TENM2: variants seen among roughly 807,000 people sequenced by gnomAD.
The protein encoded by TENM2 is teneurin transmembrane protein 2.
In TENM2, 52 loss-of-function variants were observed where a neutral mutation model predicts 245.2. That is an observed-to-expected ratio of 0.21 (90% CI 0.17 to 0.27). The LOEUF (loss-of-function observed/expected upper bound fraction) is 0.27, where lower values mean the gene tolerates loss of function less well. Ranked by LOEUF, TENM2 falls within the 10% of genes least tolerant of loss-of-function variation. TENM2 has a pLI of 1.00. For missense variants in TENM2, 3,046 were observed against 3,666.8 expected, an observed-to-expected ratio of 0.83 and a Z score of 4.37; for synonymous variants, 1,363 against 1,438.9, an observed-to-expected ratio of 0.95 and a Z score of 1.19.
chr5:167,252,184 T>A, the TENM2 span, among the ~76,000 whole-genome samples: 4 of 152,208 alleles, frequency 2.6e-5, no homozygotes, highest in Admixed American at 1.3e-4. Flanking sequence ...ATCTCTTCTC[T>A]GGGGTTAGGG....
intron 4 of TENM2, among the ~76,000 whole-genome samples, chr5:167,963,502 T>C (rs1332580270): frequency 6.6e-6 from 1 of 152,214 alleles, no homozygotes; most frequent in Admixed American, 6.5e-5. Context: ...TTCTGAAGGT[T>C]GATTATAATT....
chr5:168,260,223 C>G (rs1768058092), intron 27 of TENM2, 60 bp from the exon 30 acceptor site: 1 of 1,592,498 alleles, frequency 6.3e-7, no homozygotes, highest in Admixed American at 1.7e-5. Flanking sequence ...TCTTTAAGCT[C>G]TGCTGCTGCT....
At chr5:168,208,450 G>A (rs116409122) in intron 19 of TENM2, among the ~76,000 whole-genome samples, 1,653 of 152,278 alleles carry the variant, frequency 0.011, 42 homozygotes, top group African/African-American at 0.037. Flanking sequence ...TGTTAGTACC[G>A]GGCGGGGGGA....
intron 3 of TENM2, among the ~76,000 whole-genome samples, chr5:167,909,073 T>C (rs541801818): frequency 6.6e-6 from 1 of 151,704 alleles, no homozygotes; most frequent in African/African-American, 2.4e-5. Context: ...TCTCTCTTTT[T>C]TTTTTTTTTT....
chr5:168,070,618 C>A (rs1201849664), intron 7 of TENM2, among the ~76,000 whole-genome samples: 20 of 132,858 alleles, frequency 1.5e-4, no homozygotes, highest in Admixed American at 2.3e-4. Context: ...TCATCTCTAC[C>A]AAAAAAAAAA....
chr5:167,360,896 A>G (rs1037880840), intron 1 of TENM2, among the ~76,000 whole-genome samples: 1 of 152,156 alleles, frequency 6.6e-6, no homozygotes, highest in Non-Finnish European at 1.5e-5. Context: ...TCGCTTCTAC[A>G]ATATTCTTAA....
the TENM2 span, among the ~76,000 whole-genome samples, chr5:167,189,229 T>C: frequency 1.3e-5 from 2 of 152,182 alleles, no homozygotes; most frequent in African/African-American, 4.8e-5. Context: ...ACTGTAGTTA[T>C]AGAATCACTC....
chr5:167,364,262 C>A (rs1344149817), intron 1 of TENM2, among the ~76,000 whole-genome samples: 1 of 151,856 alleles, frequency 6.6e-6, no homozygotes, highest in African/African-American at 2.4e-5. Context: ...TAGACTGGTA[C>A]AACATACGTA....
chr5:167,949,043 G>A (rs1445333143), intron 3 of TENM2: 1 of 152,188 alleles, frequency 6.6e-6, no homozygotes, highest in East Asian at 1.9e-4. Context: ...AGGTGCTTGT[G>A]ATCATTTGTT....
chr5:167,952,659 C>T (rs1487996888), exon 4 of TENM2: 6 of 1,613,304 alleles, frequency 3.7e-6, no homozygotes, highest in Non-Finnish European at 5.1e-6. Flanking sequence ...CACGCTGTCC[C>T]ATCACCACTC....
chr5:167,117,920 A>T, the TENM2 span, among the ~76,000 whole-genome samples: 1 of 150,108 alleles, frequency 6.7e-6, no homozygotes, highest in Non-Finnish European at 1.5e-5. Context: ...TTTAGAAGTT[A>T]GGCAACCAAG....
At chr5:167,543,980 C>A (rs1772386867) in intron 2 of TENM2, among the ~76,000 whole-genome samples, 1 of 152,150 alleles carries the variant, frequency 6.6e-6, no homozygotes, top group Non-Finnish European at 1.5e-5. Flanking sequence ...CTGCAATGAA[C>A]CTATTTCCAA....
At chr5:168,170,024 G>A (rs1000081565) in intron 13 of TENM2, among the ~76,000 whole-genome samples, 1 of 152,168 alleles carries the variant, frequency 6.6e-6, no homozygotes, top group Admixed American at 6.5e-5. Context: ...TCTTTAGGAG[G>A]GAAGCAGAAT....
At chr5:167,606,713 G>C (rs866138283) in intron 2 of TENM2, among the ~76,000 whole-genome samples, 1 of 152,098 alleles carries the variant, frequency 6.6e-6, no homozygotes, top group Non-Finnish European at 1.5e-5. Context: ...TTTAATGCTT[G>C]CCAGGCCTAA....
At chr5:167,571,274 C>T (rs1187742089) in intron 2 of TENM2, among the ~76,000 whole-genome samples, 4 of 152,090 alleles carry the variant, frequency 2.6e-5, no homozygotes, top group African/African-American at 4.8e-5. Context: ...GATGAGGACA[C>T]AATGAGACAA....
At chr5:167,316,986 C>A (rs763343174) in intron 1 of TENM2, among the ~76,000 whole-genome samples, 19 of 152,146 alleles carry the variant, frequency 1.2e-4, no homozygotes, top group Non-Finnish European at 2.4e-4. Context: ...ATACCAATGT[C>A]TTCTTATGTC....
chr5:168,044,181 C>T (rs905981908), intron 5 of TENM2, among the ~76,000 whole-genome samples: 1 of 152,086 alleles, frequency 6.6e-6, no homozygotes, highest in Admixed American at 6.5e-5. Context: ...TTTGGGAGGC[C>T]GAGGTGGGTG....
chr5:167,866,315 A>G (rs1276803072), intron 2 of TENM2, among the ~76,000 whole-genome samples: 1 of 152,162 alleles, frequency 6.6e-6, no homozygotes, highest in Non-Finnish European at 1.5e-5. Flanking sequence ...CCTGGCCAAC[A>G]TAGTGAAACT....
rs868158168 is a variant in TENM2 at position 168,236,968 on chromosome 5, A to T, written c.5521-7452A>T. ...TATATATATATATATATATATATATATATATATATATATATATATATATAT... is the reference window on the plus strand; with the variant it reads ...TATATATATATATATATATATATATTTATATATATATATATATATATATAT... On this transcript the variant is annotated intron_variant, in intron 25 of 28. Transcript: ENST00000518659. Among the ~76,000 whole-genome samples, 7 of 2,544 alleles carry T rather than the reference A, an allele frequency of 2.8e-3. 1 individual carries two copies. Among genetic ancestry groups the T allele is most frequent in the East Asian group, 8.5e-3 (1 of 118 alleles). The allele number at this position is 2,544 out of a possible 152,430, so 1.7% of individuals were successfully genotyped here.
Sources: allele counts gnomAD v4.1 joint callset (sites outside exome capture counted in the v4.1 genomes callset), GRCh38; gene constraint gnomAD v4.1.1; transcripts MANE v1.5; gene names NCBI Gene and HGNC (gene_info 2026-07-23, HGNC 2026-07-21).